SLC8A1: variants seen among roughly 807,000 people sequenced by gnomAD.
SLC8A1 encodes sodium/calcium exchanger 1.
In SLC8A1, 18 loss-of-function variants were observed where a neutral mutation model predicts 68.3. The ratio of observed to expected loss-of-function variants is 0.26; its 90% CI spans 0.18 to 0.39. SLC8A1 has a LOEUF of 0.39. Among genes scored for constraint, SLC8A1 ranks in the 10% least tolerant of loss-of-function variants. SLC8A1 has a pLI of 1.00. For synonymous variants in SLC8A1, 475 were observed against 415.5 expected (o/e 1.14, Z -1.74); for missense variants, 985 against 1,156.7 (o/e 0.85, Z 2.15).
At chr2:40,415,889 CACACACACACACACACACACACAT>C (rs1004540181) in intron 2 of SLC8A1, among the ~76,000 whole-genome samples, 8 of 149,174 alleles carry the variant, frequency 5.4e-5, no homozygotes, top group African/African-American at 1.8e-4. Flanking sequence ...CACACACACA[CACACACACACACACACACACACAT>C]TAGCTGGGCG....
At chr2:40,481,014 G>T (rs1009461195) in intron 1 of SLC8A1, among the ~76,000 whole-genome samples, 3 of 152,188 alleles carry the variant, frequency 2.0e-5, no homozygotes, top group African/African-American at 7.2e-5. Context: ...GGGAGAAGAA[G>T]AGAGGAGTAT....
At chr2:40,353,622 T>A (rs972303858) in intron 2 of SLC8A1, among the ~76,000 whole-genome samples, 4 of 152,190 alleles carry the variant, frequency 2.6e-5, no homozygotes, top group African/African-American at 7.2e-5. Flanking sequence ...AAGCATGTTA[T>A]AATTCTAGGC....
At chr2:40,353,493 T>C (rs1671742450) in intron 2 of SLC8A1, among the ~76,000 whole-genome samples, 2 of 151,750 alleles carry the variant, frequency 1.3e-5, no homozygotes, top group Non-Finnish European at 2.9e-5. Context: ...TTAACCTCCC[T>C]CCTCTCATGC....
chr2:40,225,179 T>C (rs957314193), intron 2 of SLC8A1, among the ~76,000 whole-genome samples: 1 of 152,142 alleles, frequency 6.6e-6, no homozygotes, highest in Non-Finnish European at 1.5e-5. Context: ...GTCAGCAGGA[T>C]ATACAGAAAA....
rs531443115 is a variant in SLC8A1, at chr2:40,214,049, G to T, written c.1809-36194C>A. Among the ~76,000 whole-genome samples, 420 of 152,314 alleles carry T rather than the reference G, an allele frequency of 2.8e-3. 2 individuals are homozygous for T. The highest frequency in any genetic ancestry group is 9.2e-3 in the African/African-American group (382 of 41,568). ...GTAGCCAGTGGTAGAAATGATGACT[G>T]TGTGGCTGAAGAAGTCCCATTTGAT... On this transcript the variant is annotated intron_variant, in intron 2 of 7. Transcript: ENST00000406785.
chr2:40,277,792 G>GTATATATA (rs750119043), intron 2 of SLC8A1, among the ~76,000 whole-genome samples: 10 of 92,172 alleles, frequency 1.1e-4, no homozygotes, highest in African/African-American at 3.3e-4. Flanking sequence ...ATATATATGT[G>GTATATATA]TGTATATATA....
At chr2:40,506,876 G>A (rs1020186194) in intron 1 of SLC8A1, among the ~76,000 whole-genome samples, 11 of 151,898 alleles carry the variant, frequency 7.2e-5, no homozygotes, top group Non-Finnish European at 1.3e-4. Context: ...CTATTCCTCC[G>A]CACATGTCTG....
intron 2 of SLC8A1, among the ~76,000 whole-genome samples, chr2:40,218,650 G>C (rs2057853789): frequency 6.6e-6 from 1 of 151,628 alleles, no homozygotes; most frequent in African/African-American, 2.4e-5. Flanking sequence ...CTTAGCTTAT[G>C]TACTTTATGA....
At chr2:40,224,458 T>C (rs1026532296) in intron 2 of SLC8A1, among the ~76,000 whole-genome samples, 4 of 152,090 alleles carry the variant, frequency 2.6e-5, no homozygotes, top group Admixed American at 6.6e-5. Context: ...ACAGACGTCA[T>C]AGCTGGAGAA....
chr2:40,284,086 A>T (rs566571286), intron 2 of SLC8A1, among the ~76,000 whole-genome samples: 2 of 152,166 alleles, frequency 1.3e-5, no homozygotes, highest in South Asian at 4.1e-4. Context: ...TAAAAAACCT[A>T]TTTCTTATCT....
At chr2:40,226,610 C>T (rs2059010764) in intron 2 of SLC8A1, among the ~76,000 whole-genome samples, 1 of 152,106 alleles carries the variant, frequency 6.6e-6, no homozygotes, top group Non-Finnish European at 1.5e-5. Flanking sequence ...TCCCTCCACT[C>T]TAGAGGCAGA....
intron 2 of SLC8A1, among the ~76,000 whole-genome samples, chr2:40,396,747 C>G (rs1232701740): frequency 4.3e-5 from 1 of 23,456 alleles, no homozygotes; most frequent in African/African-American, 3.5e-4. Context: ...TCTCTAATAA[C>G]TAAAAAAAAA....
At chr2:40,117,338 A>G (rs2035666583) in intron 7 of SLC8A1, among the ~76,000 whole-genome samples, 1 of 139,100 alleles carries the variant, frequency 7.2e-6, no homozygotes, top group African/African-American at 2.7e-5. Flanking sequence ...TGAGGTTAGG[A>G]GTTCGAGACC....
chr2:40,479,064 G>A (rs938850613), intron 1 of SLC8A1, among the ~76,000 whole-genome samples: 1 of 152,086 alleles, frequency 6.6e-6, no homozygotes, highest in Non-Finnish European at 1.5e-5. Context: ...GAGCCACCAC[G>A]CCCGGCCTCA....
rs1018011792 is a variant in SLC8A1, at chr2:40,439,203, G to A, written c.-24-8899C>T. Among the ~76,000 whole-genome samples the A allele has an allele frequency of 3.3e-5, 5 of 152,068 alleles. No individual in the cohort carries two copies. In the South Asian group the frequency reaches 8.3e-4, roughly 25 times the overall value. On this transcript the variant is annotated intron_variant, in intron 1 of 7. Coordinates refer to ENST00000406785, the Ensembl canonical transcript of SLC8A1. ...TAATATAAAGTTCCTACTTCATGATGTTGCTGCAGGTGTTTTGTCTTCTCT... is the reference window on the plus strand; with the variant it reads ...TAATATAAAGTTCCTACTTCATGATATTGCTGCAGGTGTTTTGTCTTCTCT...
intron 2 of SLC8A1, among the ~76,000 whole-genome samples, chr2:40,201,864 T>C (rs956763036): frequency 1.3e-5 from 2 of 151,854 alleles, no homozygotes; most frequent in Non-Finnish European, 2.9e-5. Flanking sequence ...ACACAAACTA[T>C]TGGAGGAGTT....
At chr2:40,163,968 C>T (rs1156809560) in intron 5 of SLC8A1, among the ~76,000 whole-genome samples, 2 of 152,168 alleles carry the variant, frequency 1.3e-5, no homozygotes, top group African/African-American at 2.4e-5. Flanking sequence ...TTGAAACCTT[C>T]ATTCTGGTGT....
intron 2 of SLC8A1, among the ~76,000 whole-genome samples, chr2:40,308,898 T>C (rs558817192): frequency 6.6e-6 from 1 of 152,300 alleles, no homozygotes; most frequent in Admixed American, 6.5e-5. Flanking sequence ...AGACAGAGCA[T>C]AAATCTTCCT....
At chr2:40,155,271 A>C (rs910278855) in intron 6 of SLC8A1, among the ~76,000 whole-genome samples, 5 of 152,072 alleles carry the variant, frequency 3.3e-5, no homozygotes, top group African/African-American at 1.2e-4. Context: ...CTGGGACTAC[A>C]GGCACCCGCC....
Sources: allele counts gnomAD v4.1 joint callset (sites outside exome capture counted in the v4.1 genomes callset), GRCh38; gene constraint gnomAD v4.1.1; transcripts MANE v1.5; gene names NCBI Gene and HGNC (gene_info 2026-07-23, HGNC 2026-07-21).